ROBO1: variants seen among roughly 807,000 people sequenced by gnomAD.
The protein encoded by ROBO1 is roundabout homolog 1.
In ROBO1, 149 loss-of-function variants were observed where a neutral mutation model predicts 195.9. That is an observed-to-expected ratio of 0.76 (90% CI 0.67 to 0.87). The LOEUF (loss-of-function observed/expected upper bound fraction) is 0.87. ROBO1 is among the 40% of genes least tolerant of loss of function. The pLI is 0.00. For missense variants in ROBO1, 1,933 were observed against 2,068.3 expected, an observed-to-expected ratio of 0.93 and a Z score of 1.27; for synonymous variants, 816 against 733.2, an observed-to-expected ratio of 1.11 and a Z score of -1.82.
chr3:78,614,830 C>T (rs747105329), intron 27 of ROBO1, 30 bp from the exon 28 acceptor site: 1 of 1,538,344 alleles, frequency 6.5e-7, no homozygotes, highest in East Asian at 2.3e-5. Flanking sequence ...AAATCCAAGC[C>T]AAACTCATCA....
intron 3 of ROBO1, among the ~76,000 whole-genome samples, chr3:78,956,679 C>T (rs897985559): frequency 2.0e-5 from 3 of 152,122 alleles, no homozygotes; most frequent in African/African-American, 7.2e-5. Context: ...AAGCATCATT[C>T]TTGGAGGCAG....
rs559431041 is a variant in ROBO1, at chr3:79,195,623, C to A, written c.89-70084G>T. ...ATTTTCAATAAGCTATATCTGGAAA[C>A]CAAAGACAATTTTGTATTGATAACA... is the stretch of plus-strand genomic sequence containing the variant. On this transcript the variant is annotated intron_variant, in intron 2 of 30. Coordinates refer to ENST00000464233, the MANE Select transcript of ROBO1 (RefSeq NM_002941.4). Among the ~76,000 whole-genome samples, 316 of 151,432 alleles carry A rather than the reference C, an allele frequency of 2.1e-3. 1 individual carries two copies. The highest frequency in any genetic ancestry group is 3.3e-3 in the Non-Finnish European group (225 of 67,630).
intron 3 of ROBO1, among the ~76,000 whole-genome samples, chr3:79,083,352 A>C (rs527611861): frequency 1.4e-4 from 21 of 152,318 alleles, no homozygotes; most frequent in Middle Eastern, 6.8e-3. Context: ...TTATTTTCAA[A>C]TGTAGTGGTT....
intron 2 of ROBO1, among the ~76,000 whole-genome samples, chr3:79,512,636 A>C (rs918006021): frequency 6.6e-6 from 1 of 152,158 alleles, no homozygotes; most frequent in Admixed American, 6.6e-5. Context: ...AATATTTATC[A>C]CATAGACTTT....
chr3:79,248,765 T>C (rs2108902775), intron 2 of ROBO1, among the ~76,000 whole-genome samples: 1 of 152,188 alleles, frequency 6.6e-6, no homozygotes, highest in Middle Eastern at 3.4e-3. Context: ...TTAAGCAGTG[T>C]TTTGGAGAGT....
At chr3:79,744,682 T>G (rs1242675433) in intron 1 of ROBO1, among the ~76,000 whole-genome samples, 3 of 152,108 alleles carry the variant, frequency 2.0e-5, no homozygotes, top group African/African-American at 7.2e-5. Flanking sequence ...TTTATTGTAT[T>G]GTGTTATAGA....
intron 3 of ROBO1, among the ~76,000 whole-genome samples, chr3:79,079,699 TA>T (rs1292673485): frequency 6.6e-6 from 1 of 151,756 alleles, no homozygotes; most frequent in African/African-American, 2.4e-5. Context: ...CGACTAATGT[TA>T]TACAGAAAGA....
chr3:79,432,701 G>A (rs117936715), intron 2 of ROBO1, among the ~76,000 whole-genome samples: 6 of 152,154 alleles, frequency 3.9e-5, no homozygotes, highest in East Asian at 3.9e-4. Context: ...CAAAATATAC[G>A]TTTCACCCTA....
intron 2 of ROBO1, among the ~76,000 whole-genome samples, chr3:79,351,740 G>A (rs371142440): frequency 5.3e-5 from 8 of 152,002 alleles, no homozygotes; most frequent in Non-Finnish European, 2.9e-5. Flanking sequence ...AATAGAAGCT[G>A]ACTATCCAGT....
intron 3 of ROBO1, among the ~76,000 whole-genome samples, chr3:78,951,642 C>G (rs1176034671): frequency 1.3e-5 from 2 of 152,114 alleles, no homozygotes; most frequent in Middle Eastern, 3.2e-3. Flanking sequence ...GAACTCACTT[C>G]AGGCAAGACC....
intron 2 of ROBO1, among the ~76,000 whole-genome samples, chr3:79,265,775 T>C (rs1177155909): frequency 2.0e-5 from 3 of 151,568 alleles, no homozygotes; most frequent in Non-Finnish European, 4.4e-5. Flanking sequence ...TTTAGAATAA[T>C]CATGTCATAT....
At chr3:79,374,949 A>G (rs1347638274) in intron 2 of ROBO1, among the ~76,000 whole-genome samples, 1 of 152,166 alleles carries the variant, frequency 6.6e-6, no homozygotes, top group African/African-American at 2.4e-5. Context: ...AAGTTTTCTC[A>G]ATAAAATTTT....
intron 2 of ROBO1, among the ~76,000 whole-genome samples, chr3:79,422,491 G>C (rs1176744127): frequency 6.6e-6 from 1 of 152,030 alleles, no homozygotes; most frequent in Non-Finnish European, 1.5e-5. Context: ...TAAAGACTTC[G>C]TTGATGTACT....
intron 2 of ROBO1, among the ~76,000 whole-genome samples, chr3:79,477,662 G>A (rs545683643): frequency 1.3e-5 from 2 of 152,210 alleles, no homozygotes; most frequent in African/African-American, 4.8e-5. Context: ...ATTTACCATA[G>A]GATTTGGGCA....
At chr3:79,242,644 C>T (rs1297082713) in intron 2 of ROBO1, among the ~76,000 whole-genome samples, 1 of 152,144 alleles carries the variant, frequency 6.6e-6, no homozygotes, top group Non-Finnish European at 1.5e-5. Flanking sequence ...TTATTACATT[C>T]ACCATCTATA....
At chr3:79,494,043 C>A (rs751489160) in intron 2 of ROBO1, among the ~76,000 whole-genome samples, 1 of 152,082 alleles carries the variant, frequency 6.6e-6, no homozygotes, top group East Asian at 1.9e-4. Flanking sequence ...ACTATTTGCT[C>A]TAAAAGTCAT....
At chr3:78,619,456 C>T (rs1458138663) in intron 26 of ROBO1, among the ~76,000 whole-genome samples, 1 of 151,604 alleles carries the variant, frequency 6.6e-6, no homozygotes, top group Admixed American at 6.6e-5. Flanking sequence ...ATGTCGGCAC[C>T]TCTCCTTTAG....
intron 1 of ROBO1, among the ~76,000 whole-genome samples, chr3:79,734,691 A>G (rs1207891243): frequency 6.6e-6 from 1 of 152,178 alleles, no homozygotes; most frequent in Non-Finnish European, 1.5e-5. Flanking sequence ...GAGTGCGTAC[A>G]AGTCACCTAG....
chr3:79,147,894 TTTG>T (rs973557277), intron 2 of ROBO1, among the ~76,000 whole-genome samples: 7 of 151,900 alleles, frequency 4.6e-5, no homozygotes, highest in Admixed American at 1.3e-4. Context: ...CTCAGATTTT[TTTG>T]TTGTTGTTGT....
Sources: gnomAD v4.1 joint callset for allele counts (sites outside exome capture counted in the v4.1 genomes callset) on GRCh38, gnomAD v4.1.1 for gene constraint, MANE v1.5 for transcripts, NCBI Gene and HGNC (gene_info 2026-07-23, HGNC 2026-07-21) for gene names.